Variants in PDE4B observed in about 807,000 individuals in gnomAD.
PDE4B encodes 3',5'-cyclic-AMP phosphodiesterase 4B.
Under a neutral mutation model 82.2 loss-of-function variants are expected in PDE4B, and 20 were observed. The observed-to-expected ratio is 0.24, with a 90% CI of 0.17 to 0.35. The LOEUF (loss-of-function observed/expected upper bound fraction) is 0.35, where lower values mean the gene tolerates loss of function less well. Among genes scored for constraint, PDE4B ranks in the 10% least tolerant of loss-of-function variants. The pLI is 1.00. For missense variants in PDE4B, 655 were observed against 907.2 expected (o/e 0.72, Z 3.57); for synonymous variants, 320 against 318.9 (o/e 1.00, Z -0.04).
At chr1:66,069,708 A>G (rs1161689326) in intron 3 of PDE4B, among the ~76,000 whole-genome samples, 1 of 152,040 alleles carries the variant, frequency 6.6e-6, no homozygotes, top group Admixed American at 6.6e-5. Flanking sequence ...GAATATTGGT[A>G]CCATTATAGA....
intron 1 of PDE4B, among the ~76,000 whole-genome samples, chr1:65,827,645 G>A (rs1029289638): frequency 2.0e-5 from 3 of 152,104 alleles, no homozygotes; most frequent in African/African-American, 7.2e-5. Context: ...GCATCCAAGA[G>A]CTGAGACATT....
intron 3 of PDE4B, among the ~76,000 whole-genome samples, chr1:66,134,190 C>T (rs939038148): frequency 2.6e-5 from 4 of 152,194 alleles, no homozygotes; most frequent in Non-Finnish European, 5.9e-5. Context: ...GGAAAACATA[C>T]TCTGATTCAG....
intron 8 of PDE4B, among the ~76,000 whole-genome samples, chr1:66,341,801 G>A (rs1055098005): frequency 6.6e-6 from 1 of 152,124 alleles, no homozygotes; most frequent in African/African-American, 2.4e-5. Flanking sequence ...AAAGTTGAAC[G>A]TGAGATGGTG....
intron 1 of PDE4B, among the ~76,000 whole-genome samples, chr1:65,828,195 A>G (rs949548610): frequency 4.6e-5 from 7 of 152,210 alleles, no homozygotes; most frequent in African/African-American, 1.7e-4. Flanking sequence ...CAACGAAATG[A>G]GGAACATCAG....
At chr1:66,175,720 G>T (rs569024920) in intron 3 of PDE4B, among the ~76,000 whole-genome samples, 1 of 152,310 alleles carries the variant, frequency 6.6e-6, no homozygotes, top group South Asian at 2.1e-4. Flanking sequence ...AACATTTGAA[G>T]AATGACATTA....
chr1:66,276,242 T>TA (rs1655873095), intron 7 of PDE4B, among the ~76,000 whole-genome samples: 1 of 152,216 alleles, frequency 6.6e-6, no homozygotes, highest in Admixed American at 6.5e-5. Context: ...TTCTCCAAAC[T>TA]AAACTTCTTT....
At chr1:65,996,901 A>G (rs939115621) in intron 3 of PDE4B, among the ~76,000 whole-genome samples, 2 of 152,294 alleles carry the variant, frequency 1.3e-5, no homozygotes, top group South Asian at 4.1e-4. Context: ...TCAGCATAGT[A>G]TTTATCCCCA....
intron 7 of PDE4B, among the ~76,000 whole-genome samples, chr1:66,301,469 C>T (rs541476284): frequency 2.0e-5 from 3 of 152,000 alleles, no homozygotes; most frequent in South Asian, 2.1e-4. Flanking sequence ...GAACCAGAGG[C>T]ACAGAGAGGC....
At chr1:66,279,361 A>G (rs922330209) in intron 7 of PDE4B, among the ~76,000 whole-genome samples, 1 of 152,158 alleles carries the variant, frequency 6.6e-6, no homozygotes, top group African/African-American at 2.4e-5. Flanking sequence ...CTAGACTCTG[A>G]TTGTGAGTTT....
intron 3 of PDE4B, among the ~76,000 whole-genome samples, chr1:66,097,800 C>T (rs544673418): frequency 1.3e-5 from 2 of 149,538 alleles, no homozygotes; most frequent in South Asian, 4.2e-4. Flanking sequence ...GTTTATTGTC[C>T]TCGTTTTTCT....
At chr1:66,077,265 A>G (rs1656481275) in intron 3 of PDE4B, among the ~76,000 whole-genome samples, 1 of 152,192 alleles carries the variant, frequency 6.6e-6, no homozygotes, top group Admixed American at 6.5e-5. Context: ...CACCACTCAG[A>G]TGATTACAAT....
intron 3 of PDE4B, among the ~76,000 whole-genome samples, chr1:66,101,959 C>T (rs937462049): frequency 6.6e-6 from 1 of 152,002 alleles, no homozygotes; most frequent in Admixed American, 6.6e-5. Flanking sequence ...AGTTTTTATG[C>T]TTTTAGTTCT....
In PDE4B at chr1:66,034,207, C is replaced by T. The variant is rs1222056471; in HGVS notation, c.281+115372C>T. ...TGCATACCCTTAATTCTTATCTGTA[C>T]AAGCCATGGATTTTGAATTATATAT... is the stretch of plus-strand genomic sequence containing the variant. On this transcript the variant is annotated intron_variant, in intron 3 of 16. Transcript: ENST00000341517. 3.9e-5 allele frequency among the ~76,000 whole-genome samples: 6 copies of T among 152,228 alleles called. No individual in the cohort carries two copies. In the East Asian group the frequency reaches 1.2e-3, roughly 29 times the overall value.
intron 1 of PDE4B, among the ~76,000 whole-genome samples, chr1:65,879,396 G>A (rs1275183536): frequency 6.6e-6 from 1 of 152,022 alleles, no homozygotes; most frequent in African/African-American, 2.4e-5. Context: ...CTAAGTAATT[G>A]TGACTGAAAT....
chr1:66,146,122 C>T (rs1319947967), intron 3 of PDE4B, among the ~76,000 whole-genome samples: 2 of 144,818 alleles, frequency 1.4e-5, no homozygotes, highest in African/African-American at 5.0e-5. Context: ...AATATATCAA[C>T]ACTACTCATC....
chr1:65,805,565 G>A (rs1257999565), intron 1 of PDE4B, among the ~76,000 whole-genome samples: 1 of 151,956 alleles, frequency 6.6e-6, no homozygotes, highest in Non-Finnish European at 1.5e-5. Context: ...CTTTCCTACA[G>A]CAGATTCCTT....
At chr1:65,928,304 A>G (rs1169144747) in intron 3 of PDE4B, among the ~76,000 whole-genome samples, 1 of 152,210 alleles carries the variant, frequency 6.6e-6, no homozygotes, top group Non-Finnish European at 1.5e-5. Context: ...TCTTTTGTCC[A>G]TTCGACCTAG....
chr1:65,933,936 G>T (rs1647979099), intron 3 of PDE4B, among the ~76,000 whole-genome samples: 1 of 152,160 alleles, frequency 6.6e-6, no homozygotes, highest in Admixed American at 6.5e-5. Flanking sequence ...ATGGAATATA[G>T]AGAGATGTGA....
At chr1:65,829,276 T>A (rs1263403466) in intron 1 of PDE4B, among the ~76,000 whole-genome samples, 1 of 152,198 alleles carries the variant, frequency 6.6e-6, no homozygotes, top group African/African-American at 2.4e-5. Context: ...TAATCCTGAA[T>A]GTGTATGCTT....
Sources: allele counts gnomAD v4.1 joint callset (sites outside exome capture counted in the v4.1 genomes callset), GRCh38; gene constraint gnomAD v4.1.1; transcripts MANE v1.5; gene names NCBI Gene and HGNC (gene_info 2026-07-23, HGNC 2026-07-21).